CNTN1: variants seen among roughly 807,000 people sequenced by gnomAD.
The protein encoded by CNTN1 is contactin 1, also known as contactin-1.
Under a neutral mutation model 126.4 loss-of-function variants are expected in CNTN1, and 38 were observed. The observed-to-expected ratio is 0.30, with a 90% CI of 0.23 to 0.39. The LOEUF (loss-of-function observed/expected upper bound fraction) is 0.39, where lower values mean the gene tolerates loss of function less well. CNTN1 is among the 10% of genes least tolerant of loss of function. CNTN1 has a pLI of 1.00. For synonymous variants in CNTN1, 413 were observed against 422.6 expected, an observed-to-expected ratio of 0.98 and a Z score of 0.28; for missense variants, 1,009 against 1,248.4, an observed-to-expected ratio of 0.81 and a Z score of 2.89.
At chr12:40,988,725 G>A (rs947855181) in intron 16 of CNTN1, among the ~76,000 whole-genome samples, 1 of 152,164 alleles carries the variant, frequency 6.6e-6, no homozygotes, top group African/African-American at 2.4e-5. Context: ...AAGTACTAAA[G>A]TAAGAACTAA....
At chr12:40,886,514 G>T (rs1944036060) in intron 1 of CNTN1, among the ~76,000 whole-genome samples, 1 of 152,136 alleles carries the variant, frequency 6.6e-6, no homozygotes, top group Admixed American at 6.6e-5. Context: ...CCATCTTGTA[G>T]GTTGCCTGTT....
intron 23 of CNTN1, among the ~76,000 whole-genome samples, chr12:41,046,465 A>G (rs1032268620): frequency 1.3e-5 from 2 of 152,088 alleles, no homozygotes; most frequent in African/African-American, 2.4e-5. Flanking sequence ...CTGTTATTTA[A>G]TGTGTTAATA....
intron 21 of CNTN1, among the ~76,000 whole-genome samples, 181 bp from the exon 22 acceptor site, chr12:41,027,676 G>A (rs779611591): frequency 6.6e-6 from 1 of 152,108 alleles, no homozygotes; most frequent in African/African-American, 2.4e-5. Flanking sequence ...GGGCCATGGG[G>A]TACATTAAAT....
chr12:40,959,607 T>C (rs1229398264), intron 15 of CNTN1, among the ~76,000 whole-genome samples: 1 of 152,050 alleles, frequency 6.6e-6, no homozygotes, highest in Non-Finnish European at 1.5e-5. Flanking sequence ...TGCTGTTTAC[T>C]ATAACCTCAA....
At chr12:40,943,543 T>A in intron 12 of CNTN1, 54 bp from the exon 13 acceptor site, 1 of 1,303,804 alleles carries the variant, frequency 7.7e-7, no homozygotes, top group Middle Eastern at 1.9e-4. Flanking sequence ...TAAGACATAA[T>A]AATGTATTTT....
At position 40,947,111 on chromosome 12, in the gene CNTN1, G is replaced by A. The variant is rs563504479; in HGVS notation, c.1683+2941G>A. Among the ~76,000 whole-genome samples, 4 of 151,808 alleles carry A rather than the reference G, an allele frequency of 2.6e-5. 1 individual carries two copies. The highest frequency in any genetic ancestry group is 7.2e-5 in the African/African-American group (3 of 41,442). Reference sequence around the variant, plus strand: ...TAATCCTACTTTATGTAAAACTTTGGGATTAATTTATTTTTTAATGTAACT... The same window carrying A: ...TAATCCTACTTTATGTAAAACTTTGAGATTAATTTATTTTTTAATGTAACT... On this transcript the variant is annotated intron_variant, in intron 14 of 23. Coordinates refer to ENST00000551295, the MANE Select transcript of CNTN1 (RefSeq NM_001843.4).
chr12:40,934,377 C>A (rs1158072664), intron 9 of CNTN1, among the ~76,000 whole-genome samples: 1 of 150,896 alleles, frequency 6.6e-6, no homozygotes, highest in Non-Finnish European at 1.5e-5. Context: ...CCAAAGGATG[C>A]TGATAATATT....
chr12:40,878,487 A>C (rs1294319218), intron 1 of CNTN1, among the ~76,000 whole-genome samples: 4 of 152,204 alleles, frequency 2.6e-5, no homozygotes, highest in Non-Finnish European at 5.9e-5. Context: ...ATGTTCAATT[A>C]GTTTTACCAT....
In CNTN1 at chr12:40,772,159, A is replaced by T. The variant is rs146905381; in HGVS notation, c.-77+79567A>T. The stretch of plus-strand genomic sequence containing the variant: ...TTATCTGCAAAATAATATACTGCAG[A>T]TGTTATATGGAATTGTGAATTATTC... On this transcript the variant is annotated intron_variant, in intron 1 of 23. Coordinates refer to ENST00000551295, the MANE Select transcript of CNTN1 (RefSeq NM_001843.4). Among the ~76,000 whole-genome samples, 218 of 152,162 alleles carry T rather than the reference A, an allele frequency of 1.4e-3. 1 individual carries two copies. Among genetic ancestry groups the T allele is most frequent in the African/African-American group, 5.0e-3 (208 of 41,558 alleles).
rs1555153853 is a variant in CNTN1, at chr12:40,766,356, T to TTA, written c.-77+73764_-77+73765insTA. Among the ~76,000 whole-genome samples, 4 of 133,808 alleles carry TTA rather than the reference T, an allele frequency of 3.0e-5. No individual in the cohort carries two copies. The South Asian group carries it at 9.7e-4, about 32-fold the overall frequency. The allele number at this position is 133,808 out of a possible 152,430, so 87.8% of individuals were successfully genotyped here. ...TGGGTGACGGAATGAAACTCCGTCT[T>TTA]AAAAAAAAAAAAAAAAAGAAAGAAA... On this transcript the variant is annotated intron_variant, in intron 1 of 23. Transcript: ENST00000551295.
At chr12:40,939,588 A>G (rs1946195634) in intron 12 of CNTN1, 103 bp downstream of exon 12, 2 of 1,370,296 alleles carry the variant, frequency 1.5e-6, no homozygotes, top group African/African-American at 1.5e-5. Context: ...TTTTGCTCTG[A>G]ATTTTTTTTT....
At chr12:40,808,273 A>C (rs1248483268) in intron 1 of CNTN1, among the ~76,000 whole-genome samples, 1 of 152,160 alleles carries the variant, frequency 6.6e-6, no homozygotes, top group Non-Finnish European at 1.5e-5. Context: ...CAAGTCATTG[A>C]ATTGTGAGCT....
In CNTN1 at chr12:40,749,638, T is replaced by A. The variant is rs1820668682; in HGVS notation, c.-77+57046T>A. 4.9e-5 allele frequency among the ~76,000 whole-genome samples: 5 copies of A among 101,048 alleles called. 1 individual carries two copies. In the Admixed American group the frequency reaches 5.0e-4, roughly 10 times the overall value. 66.3% of individuals were successfully genotyped at this position (101,048 alleles called of 152,430 possible). A position where few individuals can be genotyped will look rare whatever the true frequency, so the allele number is the denominator to read the frequency against. ...TTTTTTGTGTTTTGTTTTTTTATTT[T>A]TTTTTTCATTTAATCCTTGAAACCA... On this transcript the variant is annotated intron_variant, in intron 1 of 23. Transcript: ENST00000551295.
intron 1 of CNTN1, among the ~76,000 whole-genome samples, chr12:40,859,426 G>T (rs985525184): frequency 6.6e-6 from 1 of 151,942 alleles, no homozygotes; most frequent in Non-Finnish European, 1.5e-5. Flanking sequence ...CAGATGAAGG[G>T]GGTATATGGG....
chr12:40,745,384 T>C (rs951810520), intron 1 of CNTN1, among the ~76,000 whole-genome samples: 1 of 152,030 alleles, frequency 6.6e-6, no homozygotes, highest in African/African-American at 2.4e-5. Flanking sequence ...TCAATACATG[T>C]AAGATGTACA....
At chr12:40,905,833 T>G (rs886484111) in intron 1 of CNTN1, among the ~76,000 whole-genome samples, 1 of 152,216 alleles carries the variant, frequency 6.6e-6, no homozygotes. Flanking sequence ...ATTCACATTT[T>G]TGTGACAAAG....
chr12:40,877,988 C>CTTTTTTTTTTTTTTTTTTT (rs199626249), intron 1 of CNTN1, among the ~76,000 whole-genome samples: 1 of 109,340 alleles, frequency 9.1e-6, no homozygotes, highest in Non-Finnish European at 1.9e-5. Flanking sequence ...CAGTTTTTTC[C>CTTTTTTTTTTTTTTTTTTT]TTTTTTTTTT....
chr12:40,902,165 T>C (rs1034820192), intron 1 of CNTN1, among the ~76,000 whole-genome samples: 1 of 152,232 alleles, frequency 6.6e-6, no homozygotes, highest in Non-Finnish European at 1.5e-5. Flanking sequence ...TTCACTTTTA[T>C]GTACATATGC....
rs548813277 is a variant in CNTN1, at chr12:40,898,504, A to C, written c.-76-9853A>C. ...TTAACTTATATATGTTTCAAATATA[A>C]ATACTTGAACAGTTTTAATTGAATT... is the stretch of plus-strand genomic sequence containing the variant. On this transcript the variant is annotated intron_variant, in intron 1 of 23. Coordinates refer to ENST00000551295, the MANE Select transcript of CNTN1 (RefSeq NM_001843.4). Among the ~76,000 whole-genome samples, 58 of 152,258 alleles carry C rather than the reference A, an allele frequency of 3.8e-4. 2 individuals carry two copies. The South Asian group carries it at 0.012, about 31-fold the overall frequency.
Sources: gnomAD v4.1 joint callset for allele counts (sites outside exome capture counted in the v4.1 genomes callset) on GRCh38, gnomAD v4.1.1 for gene constraint, MANE v1.5 for transcripts, NCBI Gene and HGNC (gene_info 2026-07-23, HGNC 2026-07-21) for gene names.